The following TAS1R1 variants were observed in gnomAD, a reference collection of about 807,000 sequenced individuals.
TAS1R1 encodes taste receptor type 1 member 1.
Under a neutral mutation model 45.8 loss-of-function variants are expected in TAS1R1, and 31 were observed. The ratio of observed to expected loss-of-function variants is 0.68; its 90% CI spans 0.51 to 0.91. The LOEUF is 0.91. TAS1R1 is among the 40% of genes least tolerant of loss of function. The pLI, the probability that TAS1R1 is intolerant of heterozygous loss-of-function variation, is 0.00. For synonymous variants in TAS1R1, 437 were observed against 448.4 expected, an observed-to-expected ratio of 0.97 and a Z score of 0.32; for missense variants, 1,051 against 1,063.9, an observed-to-expected ratio of 0.99 and a Z score of 0.17.
In TAS1R1 at chr1:6,576,468, G is replaced by T. The variant is rs151094077; in HGVS notation, c.1314G>T (p.Ala438=). ...TCCTTCTACACAAGGACACTGTGGC[G>T]TTTAATGACAACAGAGATCCCCTCA... The part of the protein sequence containing the change: ...VHFLLHKDTV[A]FNDNRDPLSS... Residue 438 remains alanine, a synonymous_variant, in exon 4 of 6, where the codon GCG becomes GCT. Transcript: ENST00000333172. 6.2e-7 allele frequency: 1 copy of T among 1,614,252 alleles called. No homozygotes were observed. The highest frequency in any genetic ancestry group is 1.7e-5 in the Admixed American group (1 of 60,030).
At chr1:6,571,553 G>A (rs1314768314) in intron 2 of TAS1R1, among the ~76,000 whole-genome samples, 1 of 152,188 alleles carries the variant, frequency 6.6e-6, no homozygotes, top group Non-Finnish European at 1.5e-5. Context: ...ATCCTGGACG[G>A]GCGCTGTGGC....
Position 6,570,894 on chromosome 1 carries a change from T to C in TAS1R1, c.192-15T>C. On this transcript the variant is annotated splice_polypyrimidine_tract_variant and intron_variant, in intron 1 of 5. Coordinates refer to ENST00000333172, the MANE Select transcript of TAS1R1 (RefSeq NM_138697.4). ...TTTGTCCTTCTCAGCTGTCTCTTAC[T>C]GGCTTTCTCCACAGGTCTTGTAGCT... 1.3e-6 allele frequency: 2 copies of C among 1,580,068 alleles called. No individual in the cohort carries two copies. Among genetic ancestry groups the C allele is most frequent in the Non-Finnish European group, 1.7e-6 (2 of 1,162,650 alleles).
chr1:6,573,071 C>T (rs752792361), intron 2 of TAS1R1, among the ~76,000 whole-genome samples: 1 of 152,226 alleles, frequency 6.6e-6, no homozygotes, highest in African/African-American at 2.4e-5. Context: ...GCTAGATTCT[C>T]CCATCAGTGT....
At chr1:6,558,230 G>T (rs1031057010) in intron 1 of TAS1R1, among the ~76,000 whole-genome samples, 1 of 151,794 alleles carries the variant, frequency 6.6e-6, no homozygotes, top group Admixed American at 6.6e-5. Context: ...TAGAGACAGG[G>T]TCTCACTACA....
Position 6,579,360 on chromosome 1 carries a change from T to A in TAS1R1, c.2302T>A (p.Phe768Ile). The A allele has an allele frequency of 6.2e-7, 1 of 1,614,002 alleles. No homozygotes were observed. ...EAKCVTFSLL[F>I]NFVSWIAFFT... The stretch of plus-strand genomic sequence containing the variant: ...CAAATGTGTCACCTTCAGCCTGCTC[T>A]TCAACTTCGTGTCCTGGATCGCCTT... The change falls in exon 6 of 6, where the codon TTC (phenylalanine) becomes ATC (isoleucine). Residue 768 changes from phenylalanine to isoleucine, a missense_variant. By Grantham distance (21) the Phe-to-Ile change is conservative (BLOSUM62 0). Transcript: ENST00000333172.
Position 6,574,446 on chromosome 1 carries a change from G to C in TAS1R1, c.499-185G>C, listed in dbSNP as rs1015496705. Among the ~76,000 whole-genome samples, 8 of 152,126 alleles carry C rather than the reference G, an allele frequency of 5.3e-5. No individual in the cohort carries two copies. Among genetic ancestry groups the C allele is most frequent in the Admixed American group, 2.0e-4 (3 of 15,268 alleles). On this transcript the variant is annotated intron_variant, in intron 2 of 5. Coordinates refer to ENST00000333172, the MANE Select transcript of TAS1R1 (RefSeq NM_138697.4). The surrounding 1 kb of genome is among the most constrained non-coding windows in gnomAD (Gnocchi z 4.3). ...GCATCCCCTCACCCCTTGTCCCCAGGCAGATTCCCACCCCTCCCCCAGAAC... is the reference window on the plus strand; with the variant it reads ...GCATCCCCTCACCCCTTGTCCCCAGCCAGATTCCCACCCCTCCCCCAGAAC...
chr1:6,567,195 C>A lies in TAS1R1; in HGVS notation c.192-3714C>A, dbSNP rs75230848. On this transcript the variant is annotated intron_variant, in intron 1 of 5. Coordinates refer to ENST00000333172, the MANE Select transcript of TAS1R1 (RefSeq NM_138697.4). ...TAAGAGGTCTGGTGGCACATGGACGCGAGATGAATCTGTCAATCCCCACAA... is the reference window on the plus strand; with the variant it reads ...TAAGAGGTCTGGTGGCACATGGACGAGAGATGAATCTGTCAATCCCCACAA... 3.5e-4 allele frequency among the ~76,000 whole-genome samples: 53 copies of A among 152,192 alleles called. 1 individual carries two copies. Among genetic ancestry groups the A allele is most frequent in the Non-Finnish European group, 6.3e-4 (43 of 68,028 alleles).
intron 1 of TAS1R1, among the ~76,000 whole-genome samples, chr1:6,559,152 C>G: frequency 6.6e-6 from 1 of 151,998 alleles, no homozygotes; most frequent in East Asian, 2.0e-4. Flanking sequence ...CTCGGCCTCC[C>G]AAAGTGCTGG....
chr1:6,559,658 C>CA (rs769420972), intron 1 of TAS1R1, among the ~76,000 whole-genome samples: 1,471 of 100,374 alleles, frequency 0.015, 16 homozygotes, highest in African/African-American at 0.043. Flanking sequence ...GACTCCCTCT[C>CA]AAAAAAAAAA....
At chr1:6,565,936 A>G (rs1422134103) in intron 1 of TAS1R1, among the ~76,000 whole-genome samples, 1 of 152,178 alleles carries the variant, frequency 6.6e-6, no homozygotes, top group Non-Finnish European at 1.5e-5. Context: ...TACCCATGCC[A>G]GGGTCATGGC....
At chr1:6,569,051 C>T (rs1228925661) in intron 1 of TAS1R1, among the ~76,000 whole-genome samples, 1 of 150,994 alleles carries the variant, frequency 6.6e-6, no homozygotes, top group Non-Finnish European at 1.5e-5. Context: ...CATGTTGGGC[C>T]CGAGAATGGG....
chr1:6,571,555 C>T (rs12760552), intron 2 of TAS1R1, among the ~76,000 whole-genome samples: 120,354 of 152,126 alleles, frequency 0.79, 48,605 homozygotes, highest in Non-Finnish European at 0.87. Flanking sequence ...CCTGGACGGG[C>T]GCTGTGGCTC....
At chr1:6,560,018 G>A (rs897372512) in intron 1 of TAS1R1, among the ~76,000 whole-genome samples, 5 of 111,974 alleles carry the variant, frequency 4.5e-5, no homozygotes, top group African/African-American at 1.4e-4. Context: ...AAAAAAAAAA[G>A]CCGGGTGCTA....
chr1:6,579,604 G>T lies in TAS1R1; in HGVS notation c.*20G>T, dbSNP rs754744219. 1 of 1,585,118 alleles carries T rather than the reference G, an allele frequency of 6.3e-7. No homozygotes were observed. Among genetic ancestry groups the T allele is most frequent in the Non-Finnish European group, 8.6e-7 (1 of 1,169,032 alleles). On this transcript the variant is annotated 3_prime_UTR_variant, in exon 6 of 6. Coordinates refer to ENST00000333172, the MANE Select transcript of TAS1R1 (RefSeq NM_138697.4). Reference sequence around the variant, plus strand: ...ACCTGACCAGTGGGTCAGCAGGCACGGCTGGCAGCCTTCTCTGCCCTGAGG... The same window carrying T: ...ACCTGACCAGTGGGTCAGCAGGCACTGCTGGCAGCCTTCTCTGCCCTGAGG...
In TAS1R1 at chr1:6,570,923, A is replaced by G. The variant is rs373171619; in HGVS notation, c.206A>G (p.Asn69Ser). The G allele has an allele frequency of 4.6e-5, 73 of 1,603,040 alleles. 1 individual carries two copies. Among genetic ancestry groups the G allele is most frequent in the African/African-American group, 8.0e-5 (6 of 74,800 alleles). ...TTTCTCCACAGGTCTTGTAGCTTCA[A>G]TGAGCATGGCTACCACCTCTTCCAG... is the stretch of plus-strand genomic sequence containing the variant. ...VTLCDRSCSF[N>S]EHGYHLFQAM... is the part of the protein sequence containing the mutation. The change falls in exon 2 of 6, where the codon AAT (asparagine) becomes AGT (serine). Residue 69 changes from asparagine (N) to serine (S), a missense_variant. Coordinates refer to ENST00000333172, the MANE Select transcript of TAS1R1 (RefSeq NM_138697.4).
chr1:6,578,631 C>G (rs753763079), intron 5 of TAS1R1, 22 bp from the exon 6 acceptor site: 1 of 1,530,682 alleles, frequency 6.5e-7, no homozygotes, highest in South Asian at 1.3e-5. Context: ...CTCTCAGGAA[C>G]CTTCTTGGCC....
chr1:6,576,031 T>C (rs578180922), intron 3 of TAS1R1, among the ~76,000 whole-genome samples: 5 of 152,034 alleles, frequency 3.3e-5, no homozygotes, highest in African/African-American at 1.2e-4. Flanking sequence ...GGTTTCACCA[T>C]GTTGGCCAGG....
chr1:6,572,751 G>C (rs1640050886), intron 2 of TAS1R1, among the ~76,000 whole-genome samples: 1 of 152,110 alleles, frequency 6.6e-6, no homozygotes, highest in Non-Finnish European at 1.5e-5. Flanking sequence ...CAGGCAGGCT[G>C]TGGGCTCGTG....
Position 6,579,353 on chromosome 1 carries a change from C to T in TAS1R1, c.2295C>T (p.Ser765=), listed in dbSNP as rs753245240. ...ACGAGGCCAAATGTGTCACCTTCAGCCTGCTCTTCAACTTCGTGTCCTGGA... is the reference window on the plus strand; with the variant it reads ...ACGAGGCCAAATGTGTCACCTTCAGTCTGCTCTTCAACTTCGTGTCCTGGA... ...NYNEAKCVTF[S]LLFNFVSWIA... The change falls in exon 6 of 6, where the codon AGC becomes AGT. Residue 765 remains serine, a synonymous_variant. Coordinates refer to ENST00000333172, the MANE Select transcript of TAS1R1 (RefSeq NM_138697.4). The T allele has an allele frequency of 6.2e-7, 1 of 1,614,054 alleles. No individual in the cohort carries two copies. The highest frequency in any genetic ancestry group is 2.2e-5 in the East Asian group (1 of 44,884).
Sources: gnomAD v4.1 joint callset for allele counts (sites outside exome capture counted in the v4.1 genomes callset) on GRCh38, gnomAD v4.1.1 for gene constraint, Gnocchi (gnomAD v3.1) non-coding constraint, MANE v1.5 for transcripts, NCBI Gene and HGNC (gene_info 2026-07-23, HGNC 2026-07-21) for gene names.